Variants in ADAMTS12 observed in about 807,000 individuals in gnomAD.
The protein encoded by ADAMTS12 is A disintegrin and metalloproteinase with thrombospondin motifs 12.
In ADAMTS12, 118 loss-of-function variants were observed where a neutral mutation model predicts 167.8. The ratio of observed to expected loss-of-function variants is 0.70; its 90% CI spans 0.61 to 0.82. ADAMTS12 has a LOEUF of 0.82. Ranked by LOEUF, ADAMTS12 falls within the 40% of genes least tolerant of loss-of-function variation. ADAMTS12 has a pLI of 0.00. For missense variants in ADAMTS12, 1,916 were observed against 1,998.8 expected, an observed-to-expected ratio of 0.96 and a Z score of 0.79; for synonymous variants, 704 against 716.9, an observed-to-expected ratio of 0.98 and a Z score of 0.29.
intron 22 of ADAMTS12, among the ~76,000 whole-genome samples, chr5:33,541,047 A>G (rs1332472484): frequency 6.6e-6 from 1 of 152,200 alleles, no homozygotes; most frequent in Non-Finnish European, 1.5e-5. Flanking sequence ...GAGCTAAAGG[A>G]CATGTTCTAA....
intron 3 of ADAMTS12, among the ~76,000 whole-genome samples, chr5:33,690,990 A>G (rs967773454): frequency 6.6e-6 from 1 of 152,180 alleles, no homozygotes; most frequent in African/African-American, 2.4e-5. Flanking sequence ...TTAGACATCG[A>G]TTGAACTCTG....
In ADAMTS12 at chr5:33,703,520, T is replaced by A. The variant is rs147575524; in HGVS notation, c.635-19465A>T. ...CCAGATCTTATTTATTTTGCATAAT[T>A]GAAACTTTGCACTCTTTGACTAACA... On this transcript the variant is annotated intron_variant, in intron 3 of 23. Transcript: ENST00000504830. Among the ~76,000 whole-genome samples, 813 of 152,294 alleles carry A rather than the reference T, an allele frequency of 5.3e-3. 12 individuals carry two copies. Among genetic ancestry groups the A allele is most frequent in the African/African-American group, 0.019 (780 of 41,558 alleles).
At chr5:33,798,895 C>T (rs1746883508) in intron 2 of ADAMTS12, among the ~76,000 whole-genome samples, 1 of 152,136 alleles carries the variant, frequency 6.6e-6, no homozygotes, top group Non-Finnish European at 1.5e-5. Flanking sequence ...CAGTCTATAA[C>T]AGATAGCATC....
chr5:33,695,395 CAG>C (rs990502344), intron 3 of ADAMTS12, among the ~76,000 whole-genome samples: 1 of 151,772 alleles, frequency 6.6e-6, no homozygotes, highest in African/African-American at 2.4e-5. Flanking sequence ...TAAATAGAGA[CAG>C]AGAGAGAGAG....
intron 2 of ADAMTS12, among the ~76,000 whole-genome samples, chr5:33,842,297 T>C (rs1257782510): frequency 2.0e-5 from 3 of 152,236 alleles, no homozygotes; most frequent in African/African-American, 4.8e-5. Context: ...TTCATCTTTG[T>C]TGTGGTCCTC....
At position 33,719,347 on chromosome 5, in the gene ADAMTS12, A is replaced by G. The variant is rs563846583; in HGVS notation, c.634+32057T>C. 9.2e-5 allele frequency among the ~76,000 whole-genome samples: 14 copies of G among 152,304 alleles called. No individual in the cohort carries two copies. In the South Asian group the frequency reaches 2.9e-3, roughly 32 times the overall value. On this transcript the variant is annotated intron_variant, in intron 3 of 23. Coordinates refer to ENST00000504830, the MANE Select transcript of ADAMTS12 (RefSeq NM_030955.4). ...GTTTCTCCCAAGAGGTTTTAGAAGA[A>G]GGAATAAGAAGAGCAGGCACCCTCA...
intron 2 of ADAMTS12, among the ~76,000 whole-genome samples, chr5:33,870,050 A>AAGAGAAATGAC (rs1749975874): frequency 6.6e-6 from 1 of 152,322 alleles, no homozygotes; most frequent in South Asian, 2.1e-4. Flanking sequence ...TTTTGGCAAT[A>AAGAGAAATGAC]AGAGAAATAT....
intron 3 of ADAMTS12, among the ~76,000 whole-genome samples, chr5:33,717,340 A>G (rs1164912400): frequency 6.6e-6 from 1 of 152,116 alleles, no homozygotes; most frequent in Non-Finnish European, 1.5e-5. Context: ...CTCTTTTTCA[A>G]TGGAATAGTT....
intron 5 of ADAMTS12, among the ~76,000 whole-genome samples, chr5:33,675,285 A>G (rs1741861767): frequency 6.6e-6 from 1 of 152,216 alleles, no homozygotes; most frequent in South Asian, 2.1e-4. Flanking sequence ...GAACCACGTT[A>G]AGGTTGGACC....
intron 2 of ADAMTS12, among the ~76,000 whole-genome samples, chr5:33,877,571 G>A (rs1750273143): frequency 6.6e-6 from 1 of 152,144 alleles, no homozygotes; most frequent in Admixed American, 6.6e-5. Flanking sequence ...TAACTAAACT[G>A]TTAAAACAAA....
intron 2 of ADAMTS12, among the ~76,000 whole-genome samples, chr5:33,772,773 A>C (rs964201844): frequency 6.6e-6 from 1 of 152,222 alleles, no homozygotes; most frequent in Non-Finnish European, 1.5e-5. Flanking sequence ...ATTCATTTTA[A>C]GCACCACTAT....
chr5:33,632,984 G>C (rs1487785897), intron 12 of ADAMTS12, among the ~76,000 whole-genome samples: 1 of 151,844 alleles, frequency 6.6e-6, no homozygotes, highest in Non-Finnish European at 1.5e-5. Flanking sequence ...TCACTAAAAG[G>C]AATGAGGTAA....
intron 14 of ADAMTS12, among the ~76,000 whole-genome samples, chr5:33,618,388 T>C (rs188633374): frequency 7.9e-5 from 12 of 152,342 alleles, no homozygotes; most frequent in African/African-American, 2.4e-4. Context: ...TTGCAATTTC[T>C]GTCTGACATT....
At chr5:33,573,655 CT>C in intron 19 of ADAMTS12, among the ~76,000 whole-genome samples, 1 of 152,192 alleles carries the variant, frequency 6.6e-6, no homozygotes, top group African/African-American at 2.4e-5. Flanking sequence ...AGAAGAAAAC[CT>C]AGGCATTACC....
intron 12 of ADAMTS12, among the ~76,000 whole-genome samples, chr5:33,635,505 C>G (rs1048359392): frequency 5.9e-5 from 9 of 152,138 alleles, no homozygotes; most frequent in African/African-American, 1.9e-4. Context: ...TAGCTTATCT[C>G]TAAAAATTGG....
intron 5 of ADAMTS12, among the ~76,000 whole-genome samples, chr5:33,662,290 G>C (rs1454134253): frequency 6.6e-6 from 1 of 152,148 alleles, no homozygotes; most frequent in African/African-American, 2.4e-5. Flanking sequence ...TTATCCCTGG[G>C]ACAAGCAGCC....
intron 2 of ADAMTS12, among the ~76,000 whole-genome samples, chr5:33,858,713 C>T (rs73073082): frequency 0.036 from 5,371 of 151,214 alleles, 325 homozygotes; most frequent in African/African-American, 0.12. Flanking sequence ...AAACTTGAGA[C>T]CTGGTTAAGA....
intron 3 of ADAMTS12, among the ~76,000 whole-genome samples, chr5:33,719,237 C>T (rs932581555): frequency 6.6e-6 from 1 of 151,992 alleles, no homozygotes; most frequent in Non-Finnish European, 1.5e-5. Flanking sequence ...AAAATATATG[C>T]CACAGAGAAG....
chr5:33,839,428 G>A (rs1380255178), intron 2 of ADAMTS12, among the ~76,000 whole-genome samples: 1 of 152,094 alleles, frequency 6.6e-6, no homozygotes, highest in East Asian at 1.9e-4. Context: ...TTATTGTCAC[G>A]CTAATTGGTG....
Sources: allele counts gnomAD v4.1 joint callset (sites outside exome capture counted in the v4.1 genomes callset), GRCh38; gene constraint gnomAD v4.1.1; transcripts MANE v1.5; gene names NCBI Gene and HGNC (gene_info 2026-07-23, HGNC 2026-07-21).